Variants in KLHL36 observed in about 807,000 individuals in gnomAD.
The protein encoded by KLHL36 is kelch like family member 36, also known as kelch-like protein 36.
A neutral mutation model predicts 53.3 loss-of-function variants in KLHL36; 35 were observed. That is an observed-to-expected ratio of 0.66 (90% CI 0.50 to 0.87). The LOEUF is 0.87. Among genes scored for constraint, KLHL36 ranks in the 40% least tolerant of loss-of-function variants. KLHL36 has a pLI of 0.00. For missense variants in KLHL36, 864 were observed against 897.6 expected (o/e 0.96, Z 0.48); for synonymous variants, 472 against 398.9 (o/e 1.18, Z -2.18).
In KLHL36 at chr16:84,665,828, A is replaced by T. The variant is rs1907804770; in HGVS notation, c.*3695A>T. 6.6e-6 allele frequency: 1 copy of T among 152,478 alleles called. No homozygotes were observed. The highest frequency in any genetic ancestry group is 1.5e-5 in the Non-Finnish European group (1 of 68,276). 9.4% of individuals were successfully genotyped at this position (152,478 alleles called of 1,614,324 possible). A position where few individuals can be genotyped will look rare whatever the true frequency, so the allele number is the denominator to read the frequency against. ...AGTGATCGTTCAGTGACTTGCAGCAATGTGGGAAGTGAGGGGACCCCTGCC... is the reference window on the plus strand; with the variant it reads ...AGTGATCGTTCAGTGACTTGCAGCATTGTGGGAAGTGAGGGGACCCCTGCC... On this transcript the variant is annotated 3_prime_UTR_variant, in exon 5 of 5. Transcript: ENST00000564996.
chr16:84,661,979 A>G lies in KLHL36; in HGVS notation c.1697A>G (p.Gln566Arg). 1.3e-6 allele frequency: 2 copies of G among 1,598,382 alleles called. No homozygotes were observed. The highest frequency in any genetic ancestry group is 1.7e-6 in the Non-Finnish European group (2 of 1,173,782). The change falls in exon 5 of 5, where the codon CAG becomes CGG. Residue 566 changes from glutamine to arginine, a missense_variant. Coordinates refer to ENST00000564996, the MANE Select transcript of KLHL36 (RefSeq NM_024731.4). This position sits in a 1 kb window ranked among gnomAD's most constrained non-coding sequence, Gnocchi z 7.9. The stretch of plus-strand genomic sequence containing the variant: ...AACACTGCCTTCTCCAAGACCGTGC[A>G]GGTGTACGACCGCGAGGCCGACAAG... ...WENTAFSKTV[Q>R]VYDREADKWS...
rs1222709490 is a variant in KLHL36 at position 84,664,410 on chromosome 16, C to A, written c.*2277C>A. The A allele has an allele frequency of 6.6e-6, 1 of 152,168 alleles. No individual in the cohort carries two copies. Among genetic ancestry groups the A allele is most frequent in the African/African-American group, 2.4e-5 (1 of 41,412 alleles). 9.4% of individuals were successfully genotyped at this position (152,168 alleles called of 1,614,324 possible). ...AGAGCCATTGGTTTTCAGCCTAAGCCAGCTCTTTTATGTTTTGCTTCTGGG... is the reference window on the plus strand; with the variant it reads ...AGAGCCATTGGTTTTCAGCCTAAGCAAGCTCTTTTATGTTTTGCTTCTGGG... On this transcript the variant is annotated 3_prime_UTR_variant, in exon 5 of 5. Coordinates refer to ENST00000564996, the MANE Select transcript of KLHL36 (RefSeq NM_024731.4).
chr16:84,655,572 C>T (rs894536896), intron 2 of KLHL36, among the ~76,000 whole-genome samples: 1 of 151,816 alleles, frequency 6.6e-6, no homozygotes, highest in Non-Finnish European at 1.5e-5. Context: ...GGCATGGTGG[C>T]ACACACCCGT....
At chr16:84,650,997 T>A in intron 2 of KLHL36, 67 bp downstream of exon 2, 1 of 1,291,632 alleles carries the variant, frequency 7.7e-7, no homozygotes. Context: ...TCTGATTCAC[T>A]CATTTCTAAT....
At chr16:84,649,455 C>G (rs1238498763) in intron 1 of KLHL36, 1 of 152,258 alleles carries the variant, frequency 6.6e-6, no homozygotes, top group Non-Finnish European at 1.5e-5. Context: ...CTGGGGCACC[C>G]GAGCGCCAGG....
chr16:84,653,322 T>G (rs577587628), intron 2 of KLHL36, among the ~76,000 whole-genome samples: 3 of 152,258 alleles, frequency 2.0e-5, no homozygotes, highest in African/African-American at 7.2e-5. Context: ...AACCTGAGTT[T>G]CTCCCTCTAC....
At chr16:84,653,840 CAAAAAAA>C (rs67608719) in intron 2 of KLHL36, among the ~76,000 whole-genome samples, 1 of 111,808 alleles carries the variant, frequency 8.9e-6, no homozygotes, top group Non-Finnish European at 1.8e-5. Context: ...GCTCTGTATC[CAAAAAAA>C]AAAAAAAAAA....
In KLHL36 at chr16:84,661,724, C is replaced by T. The variant is rs1302224818; in HGVS notation, c.1442C>T (p.Thr481Met). 3.7e-6 allele frequency: 6 copies of T among 1,613,298 alleles called. No homozygotes were observed. Among genetic ancestry groups the T allele is most frequent in the African/African-American group, 2.7e-5 (2 of 74,900 alleles). ...TGGGAGGAGCGGCGGCCCATGACCA[C>T]GGCGCGCGGCTGGCACAGCATGTGC... ...DVWEERRPMTTARGWHSMCSL... is the reference protein window; with the variant it reads ...DVWEERRPMTMARGWHSMCSL... Residue 481 changes from threonine (T) to methionine (M), a missense_variant, in exon 5 of 5, where the codon ACG becomes ATG. Coordinates refer to ENST00000564996, the MANE Select transcript of KLHL36 (RefSeq NM_024731.4). This position sits in a 1 kb window ranked among gnomAD's most constrained non-coding sequence, Gnocchi z 7.9.
chr16:84,659,988 T>A, intron 4 of KLHL36, 71 bp downstream of exon 4: 1 of 1,419,400 alleles, frequency 7.0e-7, no homozygotes, highest in South Asian at 1.3e-5. Context: ...TCCACGTGCC[T>A]CACTTTCTGG....
rs1416531373 is a variant in KLHL36, at chr16:84,661,947, C to G, written c.1665C>G (p.Ser555Arg). The G allele has an allele frequency of 1.9e-6, 3 of 1,600,390 alleles. No homozygotes were observed. The highest frequency in any genetic ancestry group is 2.6e-6 in the Non-Finnish European group (3 of 1,174,106). The change falls in exon 5 of 5, where the codon AGC becomes AGG. Residue 555 changes from serine to arginine, a missense_variant. Ser to Arg is a moderately radical substitution (Grantham distance 110). Coordinates refer to ENST00000564996, the MANE Select transcript of KLHL36 (RefSeq NM_024731.4). This position sits in a 1 kb window ranked among gnomAD's most constrained non-coding sequence, Gnocchi z 7.9. The part of the protein sequence containing the change: ...EGRIYILGGY[S>R]WENTAFSKTV... The stretch of plus-strand genomic sequence containing the variant: ...GCATCTACATCCTGGGCGGCTACAG[C>G]TGGGAGAACACTGCCTTCTCCAAGA...
rs1169729860 is a variant in KLHL36 at position 84,659,646 on chromosome 16, CCAAA to C, written c.1138-111_1138-108del. The stretch of plus-strand genomic sequence containing the variant: ...CTTTATTCAGGTGCAGTTCCCTTTC[CCAAA>C]CATTCTCCGGGGTTGTGCATTCCGC... On this transcript the variant is annotated intron_variant, in intron 3 of 4. Transcript: ENST00000564996. 3.5e-6 allele frequency: 4 copies of C among 1,130,678 alleles called. No individual in the cohort carries two copies. The Admixed American group carries it at 6.2e-5, about 18-fold the overall frequency. 70.0% of individuals were successfully genotyped at this position (1,130,678 alleles called of 1,614,324 possible). A position where few individuals can be genotyped will look rare whatever the true frequency, so the allele number is the denominator to read the frequency against.
rs192180156 is a variant in KLHL36, at chr16:84,657,973, C to G, written c.1137+29C>G. ...AGATTAAAGCCAGATTATTTCTTTT[C>G]TCTTGAGGACTCTCTCGGTTTCCTT... On this transcript the variant is annotated intron_variant, in intron 3 of 4. Transcript: ENST00000564996. 21 of 1,441,200 alleles carry G rather than the reference C, an allele frequency of 1.5e-5. No homozygotes were observed. The Admixed American group carries it at 3.9e-4, about 27-fold the overall frequency. 89.3% of individuals were successfully genotyped at this position (1,441,200 alleles called of 1,614,324 possible).
chr16:84,650,664 C>T (rs1008248679), intron 1 of KLHL36, among the ~76,000 whole-genome samples, 188 bp from the exon 2 acceptor site: 3 of 152,028 alleles, frequency 2.0e-5, no homozygotes, highest in African/African-American at 7.3e-5. Context: ...AATGTTCTGT[C>T]CAATTCTAAC....
At chr16:84,650,014 C>T (rs1040627494) in intron 1 of KLHL36, among the ~76,000 whole-genome samples, 2 of 134,714 alleles carry the variant, frequency 1.5e-5, no homozygotes, top group African/African-American at 5.5e-5. Context: ...CTGCAGTGAT[C>T]CCCCACCCAA....
rs1342699169 is a variant in KLHL36, at chr16:84,662,083, G to A, written c.1801G>A (p.Asp601Asn). 3.8e-6 allele frequency: 6 copies of A among 1,573,730 alleles called. No homozygotes were observed. The East Asian group carries it at 9.2e-5, about 24-fold the overall frequency. ...CVCALEPRPE[D>N]KKKKGKGKRH... ...CTGCGCCCTGGAGCCACGGCCAGAG[G>A]ACAAGAAGAAGAAAGGCAAAGGCAA... The change falls in exon 5 of 5, where the codon GAC becomes AAC. Residue 601 changes from aspartate (D) to asparagine (N), a missense_variant. Physicochemically the swap from Asp to Asn is conservative, Grantham distance 23. Transcript: ENST00000564996.
chr16:84,657,526 TC>T lies in KLHL36; in HGVS notation c.723del (p.Lys242ArgfsTer142). On this transcript the variant is annotated frameshift_variant, in exon 3 of 5. Transcript: ENST00000564996. LOFTEE classifies it high-confidence loss of function. ...QVLENIHFPL[I>X]PKNDLLHRVK... The stretch of plus-strand genomic sequence containing the variant: ...CTGGAGAACATCCACTTCCCGCTCA[TC>T]CCCAAGAACGACCTGCTGCACCGCG... 6.2e-7 allele frequency: 1 copy of T among 1,610,010 alleles called. No individual in the cohort carries two copies.
At position 84,663,507 on chromosome 16, in the gene KLHL36, G is replaced by A. The variant is rs962996441; in HGVS notation, c.*1374G>A. On this transcript the variant is annotated 3_prime_UTR_variant, in exon 5 of 5. Transcript: ENST00000564996. ...GTGATGGGTTTTAAGCATGAGCCAA[G>A]GAAGGCATGAATGAGCTGTACCTCA... is the stretch of plus-strand genomic sequence containing the variant. 3 of 151,740 alleles carry A rather than the reference G, an allele frequency of 2.0e-5. No homozygotes were observed. The highest frequency in any genetic ancestry group is 7.3e-5 in the African/African-American group (3 of 41,272). 9.4% of individuals were successfully genotyped at this position (151,740 alleles called of 1,614,324 possible).
At position 84,661,611 on chromosome 16, in the gene KLHL36, A is replaced by G. The variant is rs1907551828; in HGVS notation, c.1329A>G (p.Lys443=). Residue 443 remains lysine (K), a synonymous_variant, in exon 5 of 5, where the codon AAA becomes AAG. Coordinates refer to ENST00000564996, the MANE Select transcript of KLHL36 (RefSeq NM_024731.4). The surrounding 1 kb of genome is among the most constrained non-coding windows in gnomAD (Gnocchi z 7.9). ...FTYGHAGTIY[K]DFVYISGGHD... ...ACGGCCACGCGGGCACCATCTACAA[A>G]GACTTCGTGTACATCTCGGGGGGCC... is the stretch of plus-strand genomic sequence containing the variant. The G allele has an allele frequency of 6.2e-7, 1 of 1,606,136 alleles. No homozygotes were observed. Among genetic ancestry groups the G allele is most frequent in the Non-Finnish European group, 8.5e-7 (1 of 1,175,482 alleles).
At chr16:84,657,973 C>T in intron 3 of KLHL36, 29 bp downstream of exon 3, 3 of 1,441,200 alleles carry the variant, frequency 2.1e-6, no homozygotes, top group Non-Finnish European at 2.8e-6. Context: ...TATTTCTTTT[C>T]TCTTGAGGAC....
Sources: allele counts gnomAD v4.1 joint callset (sites outside exome capture counted in the v4.1 genomes callset), GRCh38; gene constraint gnomAD v4.1.1; non-coding constraint Gnocchi (gnomAD v3.1); transcripts MANE v1.5; gene names NCBI Gene and HGNC (gene_info 2026-07-23, HGNC 2026-07-21).